NDUFA5: variants seen among roughly 807,000 people sequenced by gnomAD.
NDUFA5 encodes NADH dehydrogenase [ubiquinone] 1 alpha subcomplex subunit 5.
In NDUFA5, 11 loss-of-function variants were observed where a neutral mutation model predicts 19.8. That is an observed-to-expected ratio of 0.56 (90% CI 0.35 to 0.92). NDUFA5 has a LOEUF of 0.92. Among genes scored for constraint, NDUFA5 ranks in the 40% least tolerant of loss-of-function variants. The probability of loss-of-function intolerance (pLI) is 0.01; values close to 1 mark genes in which losing one functional copy is unlikely to be tolerated. For synonymous variants in NDUFA5, 47 were observed against 46.8 expected (o/e 1.00, Z -0.01); for missense variants, 109 against 134.2 (o/e 0.81, Z 0.93).
the NDUFA5 span, among the ~76,000 whole-genome samples, chr7:123,580,992 G>A: frequency 6.6e-6 from 1 of 151,884 alleles, no homozygotes; most frequent in Non-Finnish European, 1.5e-5. Flanking sequence ...CAAACCAACA[G>A]GCGTCCATTC....
Position 123,540,889 on chromosome 7 carries a change from TGCACACACACACACAC to T in NDUFA5, c.*1214_*1229del, listed in dbSNP as rs1242404394. 9.1e-6 allele frequency: 1 copy of T among 110,348 alleles called. No individual in the cohort carries two copies. Among genetic ancestry groups the T allele is most frequent in the Non-Finnish European group, 1.9e-5 (1 of 51,806 alleles). The allele number at this position is 110,348 out of a possible 1,614,324, so 6.8% of individuals were successfully genotyped here. A position where few individuals can be genotyped will look rare whatever the true frequency, so the allele number is the denominator to read the frequency against. On this transcript the variant is annotated 3_prime_UTR_variant, in exon 5 of 5. Coordinates refer to ENST00000355749, the MANE Select transcript of NDUFA5 (RefSeq NM_005000.5). ...TTCTGAGCAAATGTGCGCATGCGCG[TGCACACACACACACAC>T]ACACACACACACACACACACACACA...
rs1405911171 is a variant in NDUFA5, at chr7:123,538,650, A to G, written c.*3469T>C. 2.0e-5 allele frequency: 3 copies of G among 152,190 alleles called. No homozygotes were observed. Among genetic ancestry groups the G allele is most frequent in the African/African-American group, 7.2e-5 (3 of 41,444 alleles). The allele number at this position is 152,190 out of a possible 1,614,324, so 9.4% of individuals were successfully genotyped here. The stretch of plus-strand genomic sequence containing the variant: ...AGTGATCCACCCACCTCGGCCTCCC[A>G]AAGTAGTGGGATTATAGGTGTGAGC... On this transcript the variant is annotated 3_prime_UTR_variant, in exon 5 of 5. Transcript: ENST00000355749.
At chr7:123,573,809 T>G in the NDUFA5 span, among the ~76,000 whole-genome samples, 1 of 152,180 alleles carries the variant, frequency 6.6e-6, no homozygotes, top group Non-Finnish European at 1.5e-5. Context: ...TTCAATCATT[T>G]AAAAGTATGT....
chr7:123,593,094 C>T, the NDUFA5 span, among the ~76,000 whole-genome samples: 2 of 151,696 alleles, frequency 1.3e-5, no homozygotes, highest in African/African-American at 4.8e-5. Context: ...GATTGCAGCC[C>T]CTGCTTTTTT....
rs1175157245 is a variant in NDUFA5 at position 123,538,952 on chromosome 7, C to T, written c.*3167G>A. Reference sequence around the variant, plus strand: ...ACATTGTTATTGGCTTAATTAGCTTCGCTCCTCTGAATGTGATTAGAAAAT... The same window carrying T: ...ACATTGTTATTGGCTTAATTAGCTTTGCTCCTCTGAATGTGATTAGAAAAT... On this transcript the variant is annotated 3_prime_UTR_variant, in exon 5 of 5. Transcript: ENST00000355749. 2.6e-5 allele frequency: 4 copies of T among 152,186 alleles called. No individual in the cohort carries two copies. The highest frequency in any genetic ancestry group is 1.9e-4 in the East Asian group (1 of 5,204). 9.4% of individuals were successfully genotyped at this position (152,186 alleles called of 1,614,324 possible). A position where few individuals can be genotyped will look rare whatever the true frequency, so the allele number is the denominator to read the frequency against.
rs571304358 is a variant in NDUFA5 at position 123,550,939 on chromosome 7, T to G, written c.67-353A>C. ...AAATCAGTATTTTTCTTTCTTTCTT[T>G]CTTTTGAGACGAAGTTTCACTTGTT... On this transcript the variant is annotated intron_variant, in intron 2 of 4. Coordinates refer to ENST00000355749, the MANE Select transcript of NDUFA5 (RefSeq NM_005000.5). 2.6e-4 allele frequency among the ~76,000 whole-genome samples: 40 copies of G among 152,332 alleles called. 2 individuals are homozygous for G. In the South Asian group the frequency reaches 7.9e-3, roughly 30 times the overall value.
intron 2 of NDUFA5, among the ~76,000 whole-genome samples, chr7:123,553,337 G>A (rs1347518726): frequency 6.6e-6 from 1 of 152,254 alleles, no homozygotes; most frequent in Non-Finnish European, 1.5e-5. Context: ...CAGGAAGCAA[G>A]AGAGCATGTG....
intron 4 of NDUFA5, among the ~76,000 whole-genome samples, chr7:123,543,157 T>C (rs1348534130): frequency 2.6e-5 from 4 of 152,024 alleles, no homozygotes; most frequent in African/African-American, 9.7e-5. Flanking sequence ...AAATCAGGGG[T>C]AGAGGTATTA....
At chr7:123,571,897 T>G in the NDUFA5 span, among the ~76,000 whole-genome samples, 1 of 152,078 alleles carries the variant, frequency 6.6e-6, no homozygotes, top group Non-Finnish European at 1.5e-5. Flanking sequence ...CCTGAGTAGC[T>G]GAGACCACAC....
At chr7:123,582,525 T>G in the NDUFA5 span, among the ~76,000 whole-genome samples, 1 of 152,024 alleles carries the variant, frequency 6.6e-6, no homozygotes, top group African/African-American at 2.4e-5. Flanking sequence ...TCCTGCTCAT[T>G]GTCTGTAGGT....
the NDUFA5 span, among the ~76,000 whole-genome samples, chr7:123,580,029 A>G: frequency 2.6e-5 from 4 of 152,098 alleles, no homozygotes; most frequent in Admixed American, 2.6e-4. Context: ...AGGCAAACAA[A>G]ATAAATATGA....
upstream of NDUFA5, among the ~76,000 whole-genome samples, chr7:123,558,753 G>T (rs1351588318): frequency 6.6e-6 from 1 of 152,244 alleles, no homozygotes; most frequent in East Asian, 1.9e-4. Flanking sequence ...GAAAGGTGTT[G>T]TTTGCCATTA....
intron 3 of NDUFA5, among the ~76,000 whole-genome samples, chr7:123,547,728 ACACTTT>A (rs1166647273): frequency 1.3e-5 from 2 of 152,138 alleles, no homozygotes. Context: ...AAGTTCAACG[ACACTTT>A]CATTTCAGAA....
chr7:123,553,215 T>C (rs143881460), intron 2 of NDUFA5, among the ~76,000 whole-genome samples: 10 of 152,348 alleles, frequency 6.6e-5, no homozygotes, highest in African/African-American at 2.2e-4. Flanking sequence ...TACCTGAGAC[T>C]GGGTGATTTA....
the NDUFA5 span, among the ~76,000 whole-genome samples, chr7:123,569,101 A>G: frequency 2.6e-5 from 4 of 152,230 alleles, no homozygotes; most frequent in African/African-American, 7.2e-5. Flanking sequence ...TTTAGTCTGT[A>G]TCAGAAACTA....
chr7:123,585,663 G>C, the NDUFA5 span, among the ~76,000 whole-genome samples: 1 of 148,318 alleles, frequency 6.7e-6, no homozygotes, highest in African/African-American at 2.5e-5. Flanking sequence ...GTGTGTGTGT[G>C]GTGAGAACAA....
At chr7:123,553,024 T>C (rs1215826221) in intron 2 of NDUFA5, among the ~76,000 whole-genome samples, 1 of 152,198 alleles carries the variant, frequency 6.6e-6, no homozygotes, top group Non-Finnish European at 1.5e-5. Flanking sequence ...TGGTAAATTA[T>C]TTTTACCACC....
chr7:123,569,366 A>G, the NDUFA5 span, among the ~76,000 whole-genome samples: 1 of 152,216 alleles, frequency 6.6e-6, no homozygotes, highest in Non-Finnish European at 1.5e-5. Flanking sequence ...TGTAAATAGC[A>G]AGGGGAAAAA....
chr7:123,592,969 A>G, the NDUFA5 span, among the ~76,000 whole-genome samples: 10 of 151,986 alleles, frequency 6.6e-5, no homozygotes, highest in African/African-American at 2.2e-4. Flanking sequence ...TTGGGTGCAT[A>G]TATATTTAGG....
Sources: allele counts gnomAD v4.1 joint callset (sites outside exome capture counted in the v4.1 genomes callset), GRCh38; gene constraint gnomAD v4.1.1; transcripts MANE v1.5; gene names NCBI Gene and HGNC (gene_info 2026-07-23, HGNC 2026-07-21).